Variants in MED26 observed in about 807,000 individuals in gnomAD.
The protein encoded by MED26 is mediator of RNA polymerase II transcription subunit 26.
A neutral mutation model predicts 43.7 loss-of-function variants in MED26; 7 were observed. That is an observed-to-expected ratio of 0.16 (90% CI 0.09 to 0.30). The LOEUF (loss-of-function observed/expected upper bound fraction) is 0.30, where lower values mean the gene tolerates loss of function less well. Among genes scored for constraint, MED26 ranks in the 10% least tolerant of loss-of-function variants. MED26 has a pLI of 1.00. For missense variants in MED26, 784 were observed against 840.6 expected (o/e 0.93, Z 0.83); for synonymous variants, 375 against 371.1 (o/e 1.01, Z -0.12).
chr19:16,617,608 C>G (rs1017678371), intron 1 of MED26, among the ~76,000 whole-genome samples: 1 of 152,234 alleles, frequency 6.6e-6, no homozygotes, highest in African/African-American at 2.4e-5. Flanking sequence ...GATTCCCTCT[C>G]CCTTCTCTCC....
chr19:16,584,481 C>G (rs527476613), intron 1 of MED26, among the ~76,000 whole-genome samples: 68 of 152,276 alleles, frequency 4.5e-4, no homozygotes, highest in African/African-American at 1.6e-3. Context: ...GGGCTGGACA[C>G]GCACAGAGAC....
chr19:16,576,236 C>T lies in MED26; in HGVS notation c.1594G>A (p.Val532Met), dbSNP rs752531834. 39 of 1,611,210 alleles carry T rather than the reference C, an allele frequency of 2.4e-5. No homozygotes were observed. In the Admixed American group the frequency reaches 4.0e-4, roughly 17 times the overall value. Reference sequence around the variant, plus strand: ...AGGTCCGTGGGCGGGCTTTGAGGCACCAGCACATGCAGCTGCCTGGCCCCT... The same window carrying T: ...AGGTCCGTGGGCGGGCTTTGAGGCATCAGCACATGCAGCTGCCTGGCCCCT... ...RQGARQLHVL[V>M]PQSPPTDLPG... The change falls in exon 3 of 3, where the codon GTG (valine) becomes ATG (methionine). Residue 532 changes from valine to methionine, a missense_variant. This residue lies in a region of MED26 where 719 missense variants were observed against 730.9 expected (regional missense o/e 0.98). Transcript: ENST00000263390. The surrounding 1 kb of genome is among the most constrained non-coding windows in gnomAD (Gnocchi z 6.8).
At chr19:16,592,115 G>T (rs1411186125) in intron 1 of MED26, among the ~76,000 whole-genome samples, 2 of 152,212 alleles carry the variant, frequency 1.3e-5, no homozygotes. Context: ...CCCAGCTGCA[G>T]CCCTGACCCC....
chr19:16,613,146 A>G, intron 1 of MED26, among the ~76,000 whole-genome samples: 1 of 152,212 alleles, frequency 6.6e-6, no homozygotes. Flanking sequence ...TGATTTGTCC[A>G]AGGACATATA....
chr19:16,618,917 T>G (rs529000206), intron 1 of MED26, among the ~76,000 whole-genome samples: 1 of 152,272 alleles, frequency 6.6e-6, no homozygotes, highest in East Asian at 1.9e-4. Context: ...ACTGCTGGGA[T>G]GGAGAGGAAG....
chr19:16,597,149 T>A (rs542305973), intron 1 of MED26, among the ~76,000 whole-genome samples: 11 of 152,280 alleles, frequency 7.2e-5, no homozygotes, highest in Middle Eastern at 6.8e-3. Flanking sequence ...GAACTCTGGG[T>A]TCTTCTGGGA....
Position 16,628,175 on chromosome 19 carries a change from CT to C in MED26, c.-233del, listed in dbSNP as rs942587619. ...GAGCCGCCGGAGCCGCCGCCGCTCG[CT>C]GCCGCCGCCTCGAGAACCAAACTCC... On this transcript the variant is annotated 5_prime_UTR_variant, in exon 1 of 3. Transcript: ENST00000263390. 8 of 355,638 alleles carry C rather than the reference CT, an allele frequency of 2.2e-5. No homozygotes were observed. The highest frequency in any genetic ancestry group is 4.0e-5 in the Non-Finnish European group (8 of 200,666). The allele number at this position is 355,638 out of a possible 1,614,324, so 22.0% of individuals were successfully genotyped here. A position where few individuals can be genotyped will look rare whatever the true frequency, so the allele number is the denominator to read the frequency against.
intron 1 of MED26, among the ~76,000 whole-genome samples, chr19:16,615,604 G>T (rs1001642537): frequency 6.6e-6 from 1 of 152,072 alleles, no homozygotes; most frequent in Admixed American, 6.6e-5. Context: ...AAATTAGCTG[G>T]GTGTGGTGGC....
chr19:16,593,771 G>A (rs1459829346), intron 1 of MED26, among the ~76,000 whole-genome samples: 1 of 152,150 alleles, frequency 6.6e-6, no homozygotes, highest in East Asian at 1.9e-4. Context: ...TCCAGGTCAA[G>A]GGTGCCATCT....
chr19:16,598,013 T>C (rs2086130226), intron 1 of MED26, among the ~76,000 whole-genome samples: 2 of 150,660 alleles, frequency 1.3e-5, no homozygotes, highest in African/African-American at 4.9e-5. Context: ...GCGCAAGCCA[T>C]TGTGCCCAGC....
chr19:16,621,361 G>A (rs1171402640), intron 1 of MED26, among the ~76,000 whole-genome samples: 1 of 152,196 alleles, frequency 6.6e-6, no homozygotes, highest in East Asian at 1.9e-4. Context: ...AGTAAACAGC[G>A]GCTGTTCGTC....
At chr19:16,584,741 G>A (rs998924902) in intron 1 of MED26, among the ~76,000 whole-genome samples, 1 of 152,196 alleles carries the variant, frequency 6.6e-6, no homozygotes, top group Non-Finnish European at 1.5e-5. Context: ...TGACAGGAGG[G>A]GGATGGGTGA....
chr19:16,591,738 A>G (rs1464598971), intron 1 of MED26, among the ~76,000 whole-genome samples: 1 of 152,232 alleles, frequency 6.6e-6, no homozygotes, highest in Non-Finnish European at 1.5e-5. Flanking sequence ...ACATGGTGCA[A>G]GCAATGATGC....
intron 1 of MED26, among the ~76,000 whole-genome samples, chr19:16,618,626 C>T (rs200014974): frequency 2.0e-5 from 3 of 152,174 alleles, no homozygotes; most frequent in Non-Finnish European, 4.4e-5. Context: ...GAGCCAAGGC[C>T]CAACTATTTG....
At chr19:16,614,805 C>T (rs1047082080) in intron 1 of MED26, among the ~76,000 whole-genome samples, 1 of 152,184 alleles carries the variant, frequency 6.6e-6, no homozygotes, top group Non-Finnish European at 1.5e-5. Flanking sequence ...AGCCAAGTAA[C>T]CATCACAGGA....
chr19:16,599,910 C>T (rs1009778996), intron 1 of MED26, among the ~76,000 whole-genome samples: 16 of 152,206 alleles, frequency 1.1e-4, no homozygotes, highest in African/African-American at 3.6e-4. Flanking sequence ...TGGGGCCTGA[C>T]GTAGAGGTCT....
chr19:16,601,891 G>T (rs1382202409), intron 1 of MED26, among the ~76,000 whole-genome samples: 1 of 152,202 alleles, frequency 6.6e-6, no homozygotes, highest in African/African-American at 2.4e-5. Context: ...AGCTGAAGCA[G>T]GGAGACAGTT....
At chr19:16,580,560 A>C (rs1869258974) in intron 1 of MED26, among the ~76,000 whole-genome samples, 1 of 151,732 alleles carries the variant, frequency 6.6e-6, no homozygotes, top group African/African-American at 2.4e-5. Context: ...TTTAGTAGGG[A>C]CAGGGTTTCA....
intron 1 of MED26, among the ~76,000 whole-genome samples, chr19:16,603,390 G>A (rs1047890806): frequency 6.6e-6 from 1 of 152,142 alleles, no homozygotes; most frequent in Admixed American, 6.5e-5. Flanking sequence ...CTCGATCTGT[G>A]CAATGGGAAG....
Sources: gnomAD v4.1 joint callset for allele counts (sites outside exome capture counted in the v4.1 genomes callset) on GRCh38, gnomAD v4.1.1 for gene constraint, gnomAD v4.1.1 regional missense constraint, Gnocchi (gnomAD v3.1) non-coding constraint, MANE v1.5 for transcripts, NCBI Gene and HGNC (gene_info 2026-07-23, HGNC 2026-07-21) for gene names.